NPAS3: variants seen among roughly 807,000 people sequenced by gnomAD.
The protein encoded by NPAS3 is neuronal PAS domain protein 3.
Under a neutral mutation model 73.1 loss-of-function variants are expected in NPAS3, and 14 were observed. The observed-to-expected ratio is 0.19, with a 90% CI of 0.13 to 0.30. The LOEUF is 0.30. NPAS3 is among the 10% of genes least tolerant of loss of function. The pLI, the probability that NPAS3 is intolerant of heterozygous loss-of-function variation, is 1.00. For synonymous variants in NPAS3, 620 were observed against 541.5 expected, an observed-to-expected ratio of 1.14 and a Z score of -2.01; for missense variants, 1,096 against 1,250.0, an observed-to-expected ratio of 0.88 and a Z score of 1.86.
chr14:33,280,785 G>A (rs1218581174), intron 3 of NPAS3, among the ~76,000 whole-genome samples: 1 of 152,192 alleles, frequency 6.6e-6, no homozygotes, highest in Non-Finnish European at 1.5e-5. Context: ...TGGTAACGCA[G>A]CTAGTCCTCT....
chr14:33,541,392 T>C lies in NPAS3; in HGVS notation c.469-18729T>C, dbSNP rs530849167. ...CCACACACTGTGTTCACCAACAGAG[T>C]AAATGCCGCTTAAAGCTGTCATATT... On this transcript the variant is annotated intron_variant, in intron 4 of 11. Coordinates refer to ENST00000356141, the Ensembl canonical transcript of NPAS3. 3.3e-5 allele frequency among the ~76,000 whole-genome samples: 5 copies of C among 152,292 alleles called. No homozygotes were observed. In the East Asian group the frequency reaches 7.7e-4, roughly 24 times the overall value.
Position 33,444,505 on chromosome 14 carries a change from T to C in NPAS3, c.468+77237T>C, listed in dbSNP as rs570980022. Among the ~76,000 whole-genome samples, 3 of 152,310 alleles carry C rather than the reference T, an allele frequency of 2.0e-5. No individual in the cohort carries two copies. The East Asian group carries it at 5.8e-4, about 29-fold the overall frequency. On this transcript the variant is annotated intron_variant, in intron 4 of 11. Transcript: ENST00000356141. ...TCAGAGAAATTTGAATTAAGGCCAG[T>C]AACTAAGCAAATTTTAATGTCATTA...
intron 2 of NPAS3, among the ~76,000 whole-genome samples, chr14:33,120,575 G>A (rs1322133160): frequency 6.6e-6 from 1 of 152,086 alleles, no homozygotes; most frequent in Non-Finnish European, 1.5e-5. Context: ...TTGAGAAAGG[G>A]CAGCAATATA....
chr14:33,534,046 A>C (rs540819661), intron 4 of NPAS3, among the ~76,000 whole-genome samples: 2 of 152,152 alleles, frequency 1.3e-5, no homozygotes, highest in Non-Finnish European at 2.9e-5. Flanking sequence ...TTAGCTAGAC[A>C]TCATGACAAG....
chr14:33,195,622 C>T (rs908061767), intron 2 of NPAS3, among the ~76,000 whole-genome samples: 1 of 152,136 alleles, frequency 6.6e-6, no homozygotes, highest in African/African-American at 2.4e-5. Flanking sequence ...TTGTATAAAC[C>T]ACACTCTTCT....
At chr14:33,538,398 C>A (rs1458144424) in intron 4 of NPAS3, among the ~76,000 whole-genome samples, 1 of 152,186 alleles carries the variant, frequency 6.6e-6, no homozygotes, top group Admixed American at 6.5e-5. Context: ...AGCACAGCAG[C>A]ACTGAAACCA....
intron 6 of NPAS3, among the ~76,000 whole-genome samples, chr14:33,726,632 A>G (rs1367735239): frequency 1.3e-5 from 2 of 152,138 alleles, no homozygotes; most frequent in East Asian, 3.8e-4. Flanking sequence ...TATAGCATTC[A>G]TCACCACCTG....
intron 2 of NPAS3, among the ~76,000 whole-genome samples, chr14:33,207,496 A>G (rs1404557810): frequency 6.6e-6 from 1 of 152,172 alleles, no homozygotes; most frequent in Non-Finnish European, 1.5e-5. Flanking sequence ...TTCAAGTACA[A>G]TATTTTACCC....
rs77871170 is a variant in NPAS3, at chr14:33,576,397, G to A, written c.558+16187G>A. On this transcript the variant is annotated intron_variant, in intron 5 of 11. Transcript: ENST00000356141. The stretch of plus-strand genomic sequence containing the variant: ...TGTAATTTACTTTTTGGTGTCTGTC[G>A]CCTTGAGCTTGCCTTCTGACTAGCT... Among the ~76,000 whole-genome samples, 2,061 of 152,142 alleles carry A rather than the reference G, an allele frequency of 0.014. 111 individuals are homozygous for A. In the East Asian group the frequency reaches 0.2, roughly 15 times the overall value.
chr14:33,717,954 A>C (rs114832726), intron 6 of NPAS3, among the ~76,000 whole-genome samples: 1,785 of 152,180 alleles, frequency 0.012, 36 homozygotes, highest in African/African-American at 0.04. Context: ...TTGAGGTTTA[A>C]AATTATAATG....
intron 6 of NPAS3, among the ~76,000 whole-genome samples, chr14:33,726,970 T>C (rs1331794782): frequency 6.6e-6 from 1 of 152,194 alleles, no homozygotes; most frequent in Non-Finnish European, 1.5e-5. Context: ...CACCCTGTGC[T>C]GTAGAGCAGT....
intron 2 of NPAS3, among the ~76,000 whole-genome samples, chr14:33,114,010 A>T (rs1324359279): frequency 4.6e-5 from 7 of 152,080 alleles, no homozygotes; most frequent in Non-Finnish European, 1.5e-5. Flanking sequence ...CATCCCAGGG[A>T]TGAAGCCCAC....
chr14:33,596,461 A>G (rs1174807117), intron 5 of NPAS3, among the ~76,000 whole-genome samples: 1 of 152,216 alleles, frequency 6.6e-6, no homozygotes, highest in Non-Finnish European at 1.5e-5. Context: ...ATAGTGGGGA[A>G]CTAATGGAGA....
chr14:33,469,180 A>G (rs549723647), intron 4 of NPAS3, among the ~76,000 whole-genome samples: 56 of 152,316 alleles, frequency 3.7e-4, no homozygotes, highest in African/African-American at 1.3e-3. Flanking sequence ...CAAAACAAAT[A>G]CATGTTTAAA....
At chr14:33,052,935 A>G (rs1180258803) in intron 1 of NPAS3, among the ~76,000 whole-genome samples, 2 of 152,090 alleles carry the variant, frequency 1.3e-5, no homozygotes, top group Admixed American at 6.5e-5. Context: ...GTGAAATGTG[A>G]CTTCCTAAGC....
intron 5 of NPAS3, among the ~76,000 whole-genome samples, chr14:33,638,392 T>A (rs1159023628): frequency 1.3e-5 from 2 of 152,216 alleles, no homozygotes; most frequent in African/African-American, 4.8e-5. Flanking sequence ...CAGCAACTAG[T>A]GGGTTTGAAC....
At chr14:33,801,733 T>TA (rs60180780), downstream of NPAS3, 84,255 of 149,778 alleles carry the variant, frequency 0.56, 24,268 homozygotes, top group East Asian at 0.76. Flanking sequence ...CTAGAATGTT[T>TA]AAAAAAAAAA....
At chr14:33,485,257 G>A (rs1179398598) in intron 4 of NPAS3, among the ~76,000 whole-genome samples, 1 of 152,092 alleles carries the variant, frequency 6.6e-6, no homozygotes, top group Non-Finnish European at 1.5e-5. Flanking sequence ...CCATCTTCCC[G>A]AAGATGAGAC....
intron 7 of NPAS3, among the ~76,000 whole-genome samples, chr14:33,757,599 G>C (rs2062154614): frequency 6.6e-6 from 1 of 152,200 alleles, no homozygotes. Flanking sequence ...CCAGATGTGA[G>C]ATTTCAAGAA....
Sources: allele counts gnomAD v4.1 joint callset (sites outside exome capture counted in the v4.1 genomes callset), GRCh38; gene constraint gnomAD v4.1.1; transcripts MANE v1.5; gene names NCBI Gene and HGNC (gene_info 2026-07-23, HGNC 2026-07-21).